SLC5A10: variants seen among roughly 807,000 people sequenced by gnomAD.
SLC5A10 encodes the protein sodium/mannose cotransporter SLC5A10.
A neutral mutation model predicts 68.9 loss-of-function variants in SLC5A10; 55 were observed. The observed-to-expected ratio is 0.80, with a 90% CI of 0.64 to 1.00. SLC5A10 has a LOEUF of 1.00. SLC5A10 is among the 50% of genes least tolerant of loss of function. The pLI, the probability that SLC5A10 is intolerant of heterozygous loss-of-function variation, is 0.00. For missense variants in SLC5A10, 732 were observed against 819.3 expected, an observed-to-expected ratio of 0.89 and a Z score of 1.30; for synonymous variants, 344 against 344.8, an observed-to-expected ratio of 1.00 and a Z score of 0.02.
In SLC5A10 at chr17:18,959,280, C is replaced by T. The variant is rs202110338; in HGVS notation, c.288+41C>T. ...CTGGCGGCCTGTGGGAGGGCCAGGG[C>T]ACAGGATGTGGTCGCAGCACTGGAG... On this transcript the variant is annotated intron_variant, in intron 3 of 14. Coordinates refer to ENST00000395645, the MANE Select transcript of SLC5A10 (RefSeq NM_001042450.4). The T allele has an allele frequency of 5.0e-6, 8 of 1,590,966 alleles. No homozygotes were observed. In the East Asian group the frequency reaches 6.7e-5, roughly 13 times the overall value.
chr17:18,987,460 C>A (rs2043300100), intron 9 of SLC5A10, among the ~76,000 whole-genome samples: 1 of 152,244 alleles, frequency 6.6e-6, no homozygotes, highest in African/African-American at 2.4e-5. Context: ...GCTCTGCACG[C>A]AGCAGGTGCC....
chr17:18,983,929 G>A (rs114091761), intron 9 of SLC5A10, among the ~76,000 whole-genome samples: 2,568 of 152,276 alleles, frequency 0.017, 82 homozygotes, highest in African/African-American at 0.058. Context: ...TGTGGGACCT[G>A]TCCCCGGCAG....
rs1047514208 is a variant in SLC5A10, at chr17:18,969,247, A to C, written c.559+90A>C. ...CCCTACAGGCCCGAGGGAGCAGCCC[A>C]GGAAGTGGCCCCAGCAGGAGCCCCA... On this transcript the variant is annotated intron_variant, in intron 6 of 14. Transcript: ENST00000395645. 4.4e-6 allele frequency: 7 copies of C among 1,576,996 alleles called. 1 individual carries two copies. The highest frequency in any genetic ancestry group is 3.4e-5 in the Admixed American group (2 of 58,466).
intron 8 of SLC5A10, among the ~76,000 whole-genome samples, chr17:18,974,625 C>G (rs1407197082): frequency 6.6e-6 from 1 of 152,238 alleles, no homozygotes; most frequent in East Asian, 1.9e-4. Flanking sequence ...GGGCAGCGTG[C>G]TGACTCCAAT....
In SLC5A10 at chr17:19,021,790, G is replaced by A; in HGVS notation, c.*1359G>A. On this transcript the variant is annotated 3_prime_UTR_variant, in exon 15 of 15. Transcript: ENST00000395645. This position sits in a 1 kb window ranked among gnomAD's most constrained non-coding sequence, Gnocchi z 4.1. Reference sequence around the variant, plus strand: ...GCTGGGTACCCTTGCTGGGGGACCTGGGCCATCCCAGTTTGTGCAGAGCGG... The same window carrying A: ...GCTGGGTACCCTTGCTGGGGGACCTAGGCCATCCCAGTTTGTGCAGAGCGG... 1.7e-6 allele frequency: 1 copy of A among 577,266 alleles called. No individual in the cohort carries two copies. The highest frequency in any genetic ancestry group is 3.5e-5 in the East Asian group (1 of 28,856). 35.8% of individuals were successfully genotyped at this position (577,266 alleles called of 1,614,324 possible). A position where few individuals can be genotyped will look rare whatever the true frequency, so the allele number is the denominator to read the frequency against.
chr17:19,022,160 G>T lies in SLC5A10; in HGVS notation c.*1729G>T. Reference sequence around the variant, plus strand: ...CCCCAGGTGACTGCAAGAAGAGGAGGTGGTTAGTAGGGTGCCTTCAGAAGC... The same window carrying T: ...CCCCAGGTGACTGCAAGAAGAGGAGTTGGTTAGTAGGGTGCCTTCAGAAGC... On this transcript the variant is annotated 3_prime_UTR_variant, in exon 15 of 15. Coordinates refer to ENST00000395645, the MANE Select transcript of SLC5A10 (RefSeq NM_001042450.4). The T allele has an allele frequency of 7.1e-7, 1 of 1,403,902 alleles. No individual in the cohort carries two copies. Among genetic ancestry groups the T allele is most frequent in the Non-Finnish European group, 9.4e-7 (1 of 1,060,742 alleles). 87.0% of individuals were successfully genotyped at this position (1,403,902 alleles called of 1,614,324 possible). A position where few individuals can be genotyped will look rare whatever the true frequency, so the allele number is the denominator to read the frequency against.
chr17:18,971,559 G>T lies in SLC5A10; in HGVS notation c.846+341G>T, dbSNP rs1444809818. ...TTTTGGGCCAGTCTTGGGCTGCCGG[G>T]ATCCGGAAGCAGGCGGGGTACCTGA... On this transcript the variant is annotated intron_variant, in intron 8 of 14. Transcript: ENST00000395645. The surrounding 1 kb of genome is among the most constrained non-coding windows in gnomAD (Gnocchi z 5.5). 6.2e-7 allele frequency: 1 copy of T among 1,613,870 alleles called. No individual in the cohort carries two copies. Among genetic ancestry groups the T allele is most frequent in the Non-Finnish European group, 8.5e-7 (1 of 1,180,020 alleles).
intron 9 of SLC5A10, among the ~76,000 whole-genome samples, chr17:18,980,649 T>C (rs1361268362): frequency 6.6e-6 from 1 of 152,060 alleles, no homozygotes; most frequent in Non-Finnish European, 1.5e-5. Flanking sequence ...TAAAGGCTGG[T>C]GCTGGGCACG....
chr17:18,965,705 G>T (rs2042695458), intron 5 of SLC5A10, among the ~76,000 whole-genome samples: 1 of 152,218 alleles, frequency 6.6e-6, no homozygotes, highest in Admixed American at 6.5e-5. Flanking sequence ...TGTGTACTGG[G>T]CTCCCGCCCT....
chr17:19,016,091 G>GCT (rs1228912321), intron 11 of SLC5A10, among the ~76,000 whole-genome samples: 2 of 151,536 alleles, frequency 1.3e-5, no homozygotes, highest in East Asian at 1.9e-4. Context: ...TGTCACCCAG[G>GCT]CTGGAGTGCA....
At chr17:18,989,274 G>C (rs577024608) in intron 9 of SLC5A10, among the ~76,000 whole-genome samples, 4 of 151,866 alleles carry the variant, frequency 2.6e-5, no homozygotes, top group Admixed American at 2.0e-4. Context: ...GCTGGGGACA[G>C]AGTCAGGCTA....
intron 9 of SLC5A10, among the ~76,000 whole-genome samples, chr17:19,006,883 A>G (rs907599349): frequency 6.6e-6 from 1 of 152,190 alleles, no homozygotes; most frequent in Non-Finnish European, 1.5e-5. Flanking sequence ...TTCATTGCTG[A>G]CTAGTATTCC....
In SLC5A10 at chr17:19,017,377, C is replaced by T. The variant is rs374054741; in HGVS notation, c.1242-2046C>T. On this transcript the variant is annotated intron_variant, in intron 11 of 14. Coordinates refer to ENST00000395645, the MANE Select transcript of SLC5A10 (RefSeq NM_001042450.4). This position sits in a 1 kb window ranked among gnomAD's most constrained non-coding sequence, Gnocchi z 5.6. ...CATTGGAGCGGTATCTCCTAGGCCT[C>T]GTGGTCATGGATCTCTGGTAGGGTG... The T allele has an allele frequency of 8.5e-4, 1,315 of 1,551,812 alleles. 2 individuals are homozygous for T. Among genetic ancestry groups the T allele is most frequent in the Non-Finnish European group, 1.1e-3 (1,243 of 1,146,982 alleles).
intron 1 of SLC5A10, among the ~76,000 whole-genome samples, chr17:18,952,782 C>T (rs958179989): frequency 6.6e-6 from 1 of 152,164 alleles, no homozygotes; most frequent in African/African-American, 2.4e-5. Context: ...GGATTTATGT[C>T]CTGTGGCCTA....
At position 19,014,966 on chromosome 17, in the gene SLC5A10, T is replaced by C. The variant is rs2044101447; in HGVS notation, c.1091-83T>C. 3.3e-6 allele frequency: 5 copies of C among 1,516,464 alleles called. No individual in the cohort carries two copies. The Admixed American group carries it at 7.6e-5, about 23-fold the overall frequency. The allele number at this position is 1,516,464 out of a possible 1,614,324, so 93.9% of individuals were successfully genotyped here. A position where few individuals can be genotyped will look rare whatever the true frequency, so the allele number is the denominator to read the frequency against. On this transcript the variant is annotated intron_variant, in intron 10 of 14. Transcript: ENST00000395645. The stretch of plus-strand genomic sequence containing the variant: ...GGAGCATGCAAATGGCGGGCGGGCC[T>C]CAGGCATTAGAGCCCAGGCGGGAGG...
chr17:19,010,362 T>C (rs1042435983), intron 9 of SLC5A10, among the ~76,000 whole-genome samples: 3 of 151,974 alleles, frequency 2.0e-5, no homozygotes, highest in Non-Finnish European at 4.4e-5. Flanking sequence ...TGGGGCCCAG[T>C]GGGGAGCTCC....
rs529404494 is a variant in SLC5A10, at chr17:18,959,586, C to T, written c.289-18C>T. 5 of 1,613,330 alleles carry T rather than the reference C, an allele frequency of 3.1e-6. No individual in the cohort carries two copies. The African/African-American group carries it at 6.7e-5, about 21-fold the overall frequency. Reference sequence around the variant, plus strand: ...TGGGAGCTGCACCTGCAGTCCTCACCTGTCTCTGTCCCCATAGGCCACGTA... The same window carrying T: ...TGGGAGCTGCACCTGCAGTCCTCACTTGTCTCTGTCCCCATAGGCCACGTA... On this transcript the variant is annotated intron_variant, in intron 3 of 14. Transcript: ENST00000395645.
At chr17:19,012,554 GGGGCAAGGGGACAGAC>G (rs1237463484) in intron 9 of SLC5A10, among the ~76,000 whole-genome samples, 1 of 152,248 alleles carries the variant, frequency 6.6e-6, no homozygotes, top group Non-Finnish European at 1.5e-5. Flanking sequence ...AAAGCGATGT[GGGGCAAGGGGACAGAC>G]GGAGAATGGG....
intron 1 of SLC5A10, among the ~76,000 whole-genome samples, chr17:18,956,682 G>T (rs1371801624): frequency 6.6e-6 from 1 of 151,880 alleles, no homozygotes; most frequent in Admixed American, 6.6e-5. Flanking sequence ...CCACTATGTT[G>T]CCCAGGCTGG....
Sources: gnomAD v4.1 joint callset for allele counts (sites outside exome capture counted in the v4.1 genomes callset) on GRCh38, gnomAD v4.1.1 for gene constraint, Gnocchi (gnomAD v3.1) non-coding constraint, MANE v1.5 for transcripts, NCBI Gene and HGNC (gene_info 2026-07-23, HGNC 2026-07-21) for gene names.